Variants in WNK3 observed in about 807,000 individuals in gnomAD.
WNK3 encodes the protein serine/threonine-protein kinase WNK3.
A neutral mutation model predicts 116.7 loss-of-function variants in WNK3; 18 were observed. The ratio of observed to expected loss-of-function variants is 0.15; its 90% CI spans 0.11 to 0.23. WNK3 has a LOEUF of 0.23. WNK3 is among the 10% of genes least tolerant of loss of function. The pLI, the probability that WNK3 is intolerant of heterozygous loss-of-function variation, is 1.00. For synonymous variants in WNK3, 404 were observed against 469.4 expected, an observed-to-expected ratio of 0.86 and a Z score of 1.80; for missense variants, 993 against 1,323.8, an observed-to-expected ratio of 0.75 and a Z score of 3.88.
chrX:54,295,744 G>A (rs1313142189), intron 7 of WNK3, among the ~76,000 whole-genome samples: 2 of 105,149 alleles, frequency 1.9e-5, no homozygotes, highest in Non-Finnish European at 1.9e-5. Flanking sequence ...CTAGAATGCA[G>A]TGGTACAATG....
intron 2 of WNK3, among the ~76,000 whole-genome samples, chrX:54,321,243 T>C (rs2069029833): frequency 8.9e-6 from 1 of 111,942 alleles, no homozygotes; most frequent in Non-Finnish European, 1.9e-5. Context: ...GTTTCCATTA[T>C]GTTACTCTTT....
chrX:54,347,581 T>C (rs2069450432), intron 1 of WNK3, among the ~76,000 whole-genome samples: 1 of 107,916 alleles, frequency 9.3e-6, no homozygotes, highest in South Asian at 4.1e-4. Flanking sequence ...GCCTGGGAGG[T>C]TGAGGCTGCA....
intron 6 of WNK3, among the ~76,000 whole-genome samples, chrX:54,300,655 T>C (rs781893249): frequency 8.9e-6 from 1 of 111,806 alleles, no homozygotes; most frequent in East Asian, 2.8e-4. Context: ...ATTTAAAGGC[T>C]GTACAAACAA....
At chrX:54,246,127 G>A (rs183203248) in intron 17 of WNK3, among the ~76,000 whole-genome samples, 2 of 112,042 alleles carry the variant, frequency 1.8e-5, no homozygotes, top group East Asian at 5.5e-4. Context: ...CTTCCACTGA[G>A]TTGTCTGATC....
chrX:54,215,410 C>T (rs1323293235), intron 22 of WNK3, among the ~76,000 whole-genome samples: 1 of 112,611 alleles, frequency 8.9e-6, no homozygotes, highest in Non-Finnish European at 1.9e-5. Flanking sequence ...GGGCTGGTCT[C>T]CAGCTCCCGA....
chrX:54,217,343 T>C (rs1557145588), intron 22 of WNK3, among the ~76,000 whole-genome samples: 1 of 102,377 alleles, frequency 9.8e-6, no homozygotes, highest in African/African-American at 3.6e-5. Flanking sequence ...AAATTAGCCA[T>C]GTGGGCCAGG....
At chrX:54,277,123 T>C (rs1352894190) in intron 10 of WNK3, among the ~76,000 whole-genome samples, 7 of 111,162 alleles carry the variant, frequency 6.3e-5, no homozygotes, top group African/African-American at 2.3e-4. Context: ...ATCATACTAA[T>C]GGTGAAAGAC....
chrX:54,243,504 G>A (rs913154600), intron 17 of WNK3, among the ~76,000 whole-genome samples: 1 of 106,584 alleles, frequency 9.4e-6, no homozygotes, highest in South Asian at 4.2e-4. Flanking sequence ...CAAAGGACTC[G>A]AACAGACATT....
At chrX:54,251,627 T>G in exon 14 of WNK3, 1 of 1,210,955 alleles carries the variant, frequency 8.3e-7, no homozygotes, top group African/African-American at 1.7e-5. Flanking sequence ...TGACCTACAA[T>G]AGCTCTCAAT....
chrX:54,233,273 A>AG (rs1330388058), intron 20 of WNK3, among the ~76,000 whole-genome samples: 1 of 106,784 alleles, frequency 9.4e-6, no homozygotes, highest in African/African-American at 3.4e-5. Context: ...AAAAAAAAAA[A>AG]AAAAAAATAC....
intron 10 of WNK3, among the ~76,000 whole-genome samples, chrX:54,262,359 T>C (rs2068265235): frequency 1.8e-5 from 2 of 112,235 alleles, no homozygotes; most frequent in South Asian, 3.7e-4. Flanking sequence ...TTTTATTACA[T>C]ATAAATAAAA....
At chrX:54,283,123 A>G (rs782496167) in intron 10 of WNK3, among the ~76,000 whole-genome samples, 19 of 111,582 alleles carry the variant, frequency 1.7e-4, no homozygotes, top group Non-Finnish European at 2.4e-4. Context: ...CTCAACAATA[A>G]AAAGACAAAA....
intron 2 of WNK3, among the ~76,000 whole-genome samples, chrX:54,327,235 A>G (rs2147240731): frequency 8.9e-6 from 1 of 111,754 alleles, no homozygotes; most frequent in African/African-American, 3.2e-5. Context: ...AAACAAATGG[A>G]GTGGGGCTGT....
intron 10 of WNK3, among the ~76,000 whole-genome samples, chrX:54,289,170 G>A (rs782113277): frequency 4.5e-5 from 5 of 111,152 alleles, no homozygotes; most frequent in Non-Finnish European, 9.4e-5. Context: ...CCAAATATGA[G>A]GGCTGTACTG....
chrX:54,341,803 T>C (rs370335607), intron 1 of WNK3, among the ~76,000 whole-genome samples: 1 of 111,555 alleles, frequency 9.0e-6, no homozygotes, highest in East Asian at 2.8e-4. Context: ...AGGAACAGGA[T>C]TGACTGCAAA....
chrX:54,342,632 C>T (rs1422539462), intron 1 of WNK3, among the ~76,000 whole-genome samples: 2 of 110,118 alleles, frequency 1.8e-5, no homozygotes, highest in African/African-American at 6.6e-5. Context: ...ATCAAATATG[C>T]CTTTTAAAAA....
intron 2 of WNK3, among the ~76,000 whole-genome samples, chrX:54,316,553 A>AAAAAAG (rs1456786408): frequency 9.3e-6 from 1 of 107,106 alleles, no homozygotes; most frequent in Non-Finnish European, 1.9e-5. Flanking sequence ...AAAAAAAAAA[A>AAAAAAG]AAAAAGACAA....
At chrX:54,237,463 C>T (rs200980554) in exon 20 of WNK3, 2 of 1,203,740 alleles carry the variant, frequency 1.7e-6, no homozygotes, top group East Asian at 5.9e-5. Context: ...GGCTTCTTCA[C>T]TAGAATGGTT....
At chrX:54,200,656 G>A (rs983196323) in intron 23 of WNK3, among the ~76,000 whole-genome samples, 2 of 111,199 alleles carry the variant, frequency 1.8e-5, no homozygotes, top group African/African-American at 6.5e-5. Context: ...GTTAAATGAC[G>A]TTCACTACTT....
Sources: gnomAD v4.1 joint callset for allele counts (sites outside exome capture counted in the v4.1 genomes callset) on GRCh38, gnomAD v4.1.1 for gene constraint, MANE v1.5 for transcripts, NCBI Gene and HGNC (gene_info 2026-07-23, HGNC 2026-07-21) for gene names.